Variants in AP2A1 observed in about 807,000 individuals in gnomAD.
The protein encoded by AP2A1 is AP-2 complex subunit alpha-1.
In AP2A1, 21 loss-of-function variants were observed where a neutral mutation model predicts 107.3. That is an observed-to-expected ratio of 0.20 (90% CI 0.14 to 0.28). AP2A1 has a LOEUF of 0.28. Among genes scored for constraint, AP2A1 ranks in the 10% least tolerant of loss-of-function variants. AP2A1 has a pLI of 1.00. For synonymous variants in AP2A1, 602 were observed against 564.8 expected (o/e 1.07, Z -0.93); for missense variants, 873 against 1,307.7 (o/e 0.67, Z 5.13).
At chr19:49,792,362 G>C (rs1295098696) in intron 5 of AP2A1, among the ~76,000 whole-genome samples, 1 of 148,668 alleles carries the variant, frequency 6.7e-6, no homozygotes, top group Non-Finnish European at 1.5e-5. Flanking sequence ...GATACCCAGG[G>C]CTCCCACCTC....
At position 49,802,633 on chromosome 19, in the gene AP2A1, G is replaced by C. The variant is rs767177575; in HGVS notation, c.2115-316G>C. 3.9e-6 allele frequency: 6 copies of C among 1,521,574 alleles called. No individual in the cohort carries two copies. The Admixed American group carries it at 7.9e-5, about 20-fold the overall frequency. The allele number at this position is 1,521,574 out of a possible 1,614,324, so 94.3% of individuals were successfully genotyped here. A position where few individuals can be genotyped will look rare whatever the true frequency, so the allele number is the denominator to read the frequency against. ...TGGCCTGGGGTGGGAGGTCGGTCGG[G>C]GGGGCGGACTCGGGTGTCCCCAGGG... is the stretch of plus-strand genomic sequence containing the variant. On this transcript the variant is annotated intron_variant, in intron 15 of 22. Coordinates refer to ENST00000354293, the MANE Select transcript of AP2A1 (RefSeq NM_130787.3).
rs555136213 is a variant in AP2A1 at position 49,771,590 on chromosome 19, G to A, written c.67+4390G>A. On this transcript the variant is annotated intron_variant, in intron 1 of 22. Coordinates refer to ENST00000354293, the MANE Select transcript of AP2A1 (RefSeq NM_130787.3). Reference sequence around the variant, plus strand: ...TGCCCCGCTGATTTTTGTATTTTTAGTAGAGACAGGGTTTCACCATGTTGG... The same window carrying A: ...TGCCCCGCTGATTTTTGTATTTTTAATAGAGACAGGGTTTCACCATGTTGG... Among the ~76,000 whole-genome samples, 3 of 151,936 alleles carry A rather than the reference G, an allele frequency of 2.0e-5. No individual in the cohort carries two copies. In the East Asian group the frequency reaches 5.8e-4, roughly 30 times the overall value.
intron 1 of AP2A1, among the ~76,000 whole-genome samples, chr19:49,778,143 T>C (rs2084636055): frequency 6.6e-6 from 1 of 152,204 alleles, no homozygotes; most frequent in African/African-American, 2.4e-5. Flanking sequence ...ACTCGTGTAT[T>C]AACGATGGGG....
Position 49,792,006 on chromosome 19 carries a change from T to C in AP2A1, c.545T>C (p.Leu182Pro). 2 of 1,612,972 alleles carry C rather than the reference T, an allele frequency of 1.2e-6. No homozygotes were observed. The highest frequency in any genetic ancestry group is 4.5e-5 in the East Asian group (2 of 44,862). ...CGACTGTACAAGGCCTCGCCTGACC[T>C]GGTGCCCATGGGCGAGTGGACGGCG... ...LLRLYKASPD[L>P]VPMGEWTARV... The change falls in exon 5 of 23, where the codon CTG becomes CCG. Residue 182 changes from leucine (L) to proline (P), a missense_variant. Coordinates refer to ENST00000354293, the MANE Select transcript of AP2A1 (RefSeq NM_130787.3).
Position 49,806,671 on chromosome 19 carries a change from C to G in AP2A1, c.2791-10C>G, listed in dbSNP as rs2073396953. ...CTCCTCTGAGTTCTGCCCCCAATGC[C>G]CCCACCCAGATGTACCGGCTGACCC... On this transcript the variant is annotated splice_polypyrimidine_tract_variant and intron_variant, in intron 22 of 22. Coordinates refer to ENST00000354293, the MANE Select transcript of AP2A1 (RefSeq NM_130787.3). The G allele has an allele frequency of 6.2e-7, 1 of 1,612,424 alleles. No homozygotes were observed. Among genetic ancestry groups the G allele is most frequent in the Admixed American group, 1.7e-5 (1 of 59,980 alleles).
chr19:49,783,998 A>G (rs76330541), intron 4 of AP2A1, among the ~76,000 whole-genome samples: 17,684 of 152,224 alleles, frequency 0.12, 1,268 homozygotes, highest in East Asian at 0.23. Context: ...AGCAAACACG[A>G]GCCTTTTCTG....
At chr19:49,789,583 G>GC (rs959769112) in intron 4 of AP2A1, among the ~76,000 whole-genome samples, 3 of 145,256 alleles carry the variant, frequency 2.1e-5, no homozygotes, top group Non-Finnish European at 4.5e-5. Context: ...GAGCCACTGC[G>GC]CCTGGCCTTT....
intron 18 of AP2A1, 198 bp from the exon 19 acceptor site, chr19:49,805,255 G>C (rs2073348895): frequency 1.8e-6 from 1 of 565,026 alleles, no homozygotes; most frequent in Non-Finnish European, 3.0e-6. Context: ...GAAGGCCAAA[G>C]GAGGCACCTA....
At chr19:49,775,356 C>T (rs1383358856) in intron 1 of AP2A1, among the ~76,000 whole-genome samples, 1 of 152,096 alleles carries the variant, frequency 6.6e-6, no homozygotes, top group African/African-American at 2.4e-5. Context: ...TGCTGTATGG[C>T]CCAGGCTGAG....
chr19:49,802,186 G>T (rs1353732036), intron 15 of AP2A1, 45 bp downstream of exon 15: 1 of 1,485,608 alleles, frequency 6.7e-7, no homozygotes, highest in Non-Finnish European at 9.1e-7. Context: ...CCACCCCCAG[G>T]GCTGTCCCTT....
In AP2A1 at chr19:49,807,028, C is replaced by G. The variant is rs1282465452; in HGVS notation, c.*270C>G. 1 of 1,498,672 alleles carries G rather than the reference C, an allele frequency of 6.7e-7. No homozygotes were observed. The highest frequency in any genetic ancestry group is 1.4e-5 in the African/African-American group (1 of 71,848). The allele number at this position is 1,498,672 out of a possible 1,614,324, so 92.8% of individuals were successfully genotyped here. On this transcript the variant is annotated 3_prime_UTR_variant, in exon 23 of 23. Transcript: ENST00000354293. ...GGGAAGTGGATGTCTCCTCCCCTCC[C>G]ACCCCACCCTGTTGTAGCCCCTCCT...
chr19:49,791,307 GC>G (rs2073140023), intron 4 of AP2A1, among the ~76,000 whole-genome samples: 1 of 152,148 alleles, frequency 6.6e-6, no homozygotes, highest in South Asian at 2.1e-4. Flanking sequence ...ATGGTGCACT[GC>G]CGCCTCGACC....
intron 4 of AP2A1, among the ~76,000 whole-genome samples, chr19:49,786,240 T>C (rs1009862443): frequency 2.0e-5 from 3 of 152,158 alleles, no homozygotes; most frequent in East Asian, 3.8e-4. Context: ...AAAAAAAATA[T>C]AATGCAAGCC....
At chr19:49,780,843 T>C (rs2084666737) in intron 1 of AP2A1, among the ~76,000 whole-genome samples, 1 of 152,158 alleles carries the variant, frequency 6.6e-6, no homozygotes, top group Admixed American at 6.5e-5. Flanking sequence ...ACCACTGCAC[T>C]GCAGCCTGGG....
chr19:49,802,491 C>G (rs775787165), intron 15 of AP2A1: 2 of 1,594,430 alleles, frequency 1.3e-6, no homozygotes, highest in Admixed American at 1.7e-5. Flanking sequence ...GGCTGCCTGC[C>G]ACGCCTGTCT....
intron 1 of AP2A1, among the ~76,000 whole-genome samples, chr19:49,776,499 G>A (rs2084618856): frequency 6.6e-6 from 1 of 152,146 alleles, no homozygotes; most frequent in Admixed American, 6.6e-5. Flanking sequence ...CTCCAATCCA[G>A]GGATGCCTCG....
At chr19:49,793,557 CCT>C (rs1352548948) in intron 6 of AP2A1, among the ~76,000 whole-genome samples, 1 of 152,174 alleles carries the variant, frequency 6.6e-6, no homozygotes, top group African/African-American at 2.4e-5. Context: ...AGGAACATCC[CCT>C]GAGGCCTTGT....
At chr19:49,806,572 G>A (rs912882671) in intron 22 of AP2A1, 109 bp from the exon 23 acceptor site, 4 of 1,547,020 alleles carry the variant, frequency 2.6e-6, no homozygotes, top group Non-Finnish European at 3.5e-6. Flanking sequence ...CCTGTGTCTT[G>A]TATCACCTTT....
chr19:49,800,767 G>A (rs539760658), intron 11 of AP2A1, 194 bp from the exon 12 acceptor site: 39 of 517,298 alleles, frequency 7.5e-5, no homozygotes, highest in Non-Finnish European at 1.2e-4. Flanking sequence ...CACTGCTTCC[G>A]GCCCACAGCC....
Sources: allele counts gnomAD v4.1 joint callset (sites outside exome capture counted in the v4.1 genomes callset), GRCh38; gene constraint gnomAD v4.1.1; transcripts MANE v1.5; gene names NCBI Gene and HGNC (gene_info 2026-07-23, HGNC 2026-07-21).